Variants in KCNH1 observed in about 807,000 individuals in gnomAD.
KCNH1 encodes voltage-gated delayed rectifier potassium channel KCNH1.
In KCNH1, 27 loss-of-function variants were observed where a neutral mutation model predicts 69.2. That is an observed-to-expected ratio of 0.39 (90% CI 0.29 to 0.54). The LOEUF is 0.54. Ranked by LOEUF, KCNH1 falls within the 20% of genes least tolerant of loss-of-function variation. The pLI, the probability that KCNH1 is intolerant of heterozygous loss-of-function variation, is 0.68. For synonymous variants in KCNH1, 456 were observed against 487.7 expected, an observed-to-expected ratio of 0.93 and a Z score of 0.86; for missense variants, 798 against 1,261.6, an observed-to-expected ratio of 0.63 and a Z score of 5.57.
chr1:210,955,892 A>G (rs1265602442), intron 6 of KCNH1, among the ~76,000 whole-genome samples: 1 of 152,090 alleles, frequency 6.6e-6, no homozygotes, highest in Admixed American at 6.5e-5. Flanking sequence ...AATACCCTTT[A>G]TTTCCTTCTC....
chr1:210,853,178 C>T (rs975985919), intron 7 of KCNH1, among the ~76,000 whole-genome samples: 2 of 152,160 alleles, frequency 1.3e-5, no homozygotes, highest in Non-Finnish European at 2.9e-5. Context: ...TTACTGGCCA[C>T]GTAAACTTTT....
At chr1:211,026,944 G>A (rs535828478) in intron 5 of KCNH1, among the ~76,000 whole-genome samples, 1 of 152,276 alleles carries the variant, frequency 6.6e-6, no homozygotes, top group South Asian at 2.1e-4. Context: ...CCTGGCAAAA[G>A]TGAGAGGATG....
intron 10 of KCNH1, among the ~76,000 whole-genome samples, chr1:210,693,420 G>A (rs115696892): frequency 0.017 from 2,633 of 152,260 alleles, 37 homozygotes; most frequent in Middle Eastern, 0.031. Context: ...TAATCAGGCC[G>A]GTAGGAATCA....
intron 5 of KCNH1, among the ~76,000 whole-genome samples, chr1:211,049,628 T>C (rs1318585814): frequency 5.3e-5 from 8 of 152,112 alleles, no homozygotes; most frequent in Non-Finnish European, 1.2e-4. Flanking sequence ...GTCAAAGTGC[T>C]CTTGATGAAG....
chr1:210,931,817 T>G (rs746732678), intron 6 of KCNH1, among the ~76,000 whole-genome samples: 3 of 148,502 alleles, frequency 2.0e-5, no homozygotes, highest in Non-Finnish European at 4.5e-5. Context: ...AACAGAAATC[T>G]TGGAGGTGAA....
chr1:210,755,636 A>G (rs2185384), intron 10 of KCNH1, among the ~76,000 whole-genome samples: 22,031 of 152,166 alleles, frequency 0.14, 1,637 homozygotes, highest in Non-Finnish European at 0.16. Flanking sequence ...GTTTGTCTAT[A>G]CAGAGCAGAT....
intron 10 of KCNH1, among the ~76,000 whole-genome samples, chr1:210,715,649 TATAA>T (rs746560626): frequency 3.3e-5 from 5 of 152,206 alleles, no homozygotes; most frequent in Admixed American, 6.5e-5. Flanking sequence ...AGCTAATTGT[TATAA>T]ATAATCATGA....
chr1:210,722,970 C>T (rs1324321548), intron 10 of KCNH1, among the ~76,000 whole-genome samples: 1 of 152,086 alleles, frequency 6.6e-6, no homozygotes, highest in African/African-American at 2.4e-5. Flanking sequence ...CCTGACAGAC[C>T]TCAGGGAAGA....
intron 5 of KCNH1, among the ~76,000 whole-genome samples, chr1:211,078,296 C>A (rs577769521): frequency 6.6e-6 from 1 of 152,170 alleles, no homozygotes; most frequent in Non-Finnish European, 1.5e-5. Context: ...AACTCTCCAC[C>A]CCAAATCAAC....
intron 3 of KCNH1, among the ~76,000 whole-genome samples, chr1:211,100,834 G>A (rs1691244346): frequency 6.6e-6 from 1 of 152,320 alleles, no homozygotes; most frequent in South Asian, 2.1e-4. Flanking sequence ...TGGACTAGCA[G>A]CATCAGCATC....
intron 9 of KCNH1, among the ~76,000 whole-genome samples, chr1:210,777,398 G>A (rs1214566200): frequency 6.6e-6 from 1 of 152,144 alleles, no homozygotes; most frequent in African/African-American, 2.4e-5. Context: ...ATACATGCTT[G>A]GGGTAGCTTC....
chr1:210,696,366 G>A (rs150733681), intron 10 of KCNH1, among the ~76,000 whole-genome samples: 2 of 152,190 alleles, frequency 1.3e-5, no homozygotes, highest in African/African-American at 4.8e-5. Flanking sequence ...ATTAATCCCT[G>A]GGTGTCCTCA....
chr1:211,011,810 C>G (rs1390319524), intron 6 of KCNH1, among the ~76,000 whole-genome samples: 1 of 152,196 alleles, frequency 6.6e-6, no homozygotes, highest in Non-Finnish European at 1.5e-5. Flanking sequence ...CCATGTGAAG[C>G]CTCTGCTTTA....
Position 210,859,146 on chromosome 1 carries a change from A to G in KCNH1, c.1463-54980T>C. On this transcript the variant is annotated intron_variant, in intron 7 of 10. Coordinates refer to ENST00000271751, the MANE Select transcript of KCNH1 (RefSeq NM_172362.3). ...GGAGGAACACAAGCTCTTCACTACA[A>G]TCACACAGTAGGAAAGAAAGAGATA... 3.0e-6 allele frequency: 4 copies of G among 1,345,504 alleles called. No individual in the cohort carries two copies. In the Admixed American group the frequency reaches 6.7e-5, roughly 23 times the overall value. The allele number at this position is 1,345,504 out of a possible 1,614,324, so 83.3% of individuals were successfully genotyped here. A position where few individuals can be genotyped will look rare whatever the true frequency, so the allele number is the denominator to read the frequency against.
intron 7 of KCNH1, among the ~76,000 whole-genome samples, chr1:210,820,084 TA>T (rs1403304358): frequency 6.6e-6 from 1 of 152,240 alleles, no homozygotes; most frequent in Non-Finnish European, 1.5e-5. Flanking sequence ...GCCAGAAAGA[TA>T]AATTATTGTT....
intron 10 of KCNH1, among the ~76,000 whole-genome samples, chr1:210,685,777 T>C (rs1196736414): frequency 6.6e-6 from 1 of 152,188 alleles, no homozygotes; most frequent in Non-Finnish European, 1.5e-5. Flanking sequence ...TGCCCCATGC[T>C]ATCACCAGCA....
chr1:211,091,386 C>T (rs1037608697), intron 3 of KCNH1, among the ~76,000 whole-genome samples: 3 of 152,042 alleles, frequency 2.0e-5, no homozygotes, highest in Non-Finnish European at 4.4e-5. Context: ...AGGGTGCTCT[C>T]GAACTCTCAA....
intron 10 of KCNH1, among the ~76,000 whole-genome samples, chr1:210,762,398 C>T (rs1171442677): frequency 6.6e-6 from 1 of 152,038 alleles, no homozygotes; most frequent in Admixed American, 6.6e-5. Flanking sequence ...CTAAATGAAA[C>T]TGAGACCAAA....
chr1:211,051,041 C>A (rs1436538652), intron 5 of KCNH1, among the ~76,000 whole-genome samples: 1 of 151,656 alleles, frequency 6.6e-6, no homozygotes. Flanking sequence ...TCCATCACCC[C>A]AGCTGGAGTG....
Sources: gnomAD v4.1 joint callset for allele counts (sites outside exome capture counted in the v4.1 genomes callset) on GRCh38, gnomAD v4.1.1 for gene constraint, MANE v1.5 for transcripts, NCBI Gene and HGNC (gene_info 2026-07-23, HGNC 2026-07-21) for gene names.